SERAC1: variants seen among roughly 807,000 people sequenced by gnomAD.
SERAC1 encodes serine active site containing 1.
SERAC1 carries 36 observed loss-of-function variants against 85.7 expected under a neutral mutation model. The observed-to-expected ratio is 0.42, with a 90% CI of 0.32 to 0.55. The LOEUF is 0.55. SERAC1 is among the 20% of genes least tolerant of loss of function. The probability of loss-of-function intolerance (pLI) is 0.11; values close to 1 mark genes in which losing one functional copy is unlikely to be tolerated. For synonymous variants in SERAC1, 242 were observed against 265.3 expected, an observed-to-expected ratio of 0.91 and a Z score of 0.85; for missense variants, 629 against 796.2, an observed-to-expected ratio of 0.79 and a Z score of 2.53.
At chr6:158,141,499 A>C (rs1784914233) in intron 8 of SERAC1, among the ~76,000 whole-genome samples, 1 of 152,228 alleles carries the variant, frequency 6.6e-6, no homozygotes, top group Non-Finnish European at 1.5e-5. Flanking sequence ...TTTAAGAAAA[A>C]GGTAATTGTT....
chr6:158,141,865 G>A (rs1307518506), intron 8 of SERAC1, among the ~76,000 whole-genome samples: 1 of 152,110 alleles, frequency 6.6e-6, no homozygotes, highest in East Asian at 1.9e-4. Context: ...CCCAAAAGGG[G>A]AAATTATGTA....
At chr6:158,111,567 A>G in intron 16 of SERAC1, 65 bp from the exon 17 acceptor site, 1 of 1,310,868 alleles carries the variant, frequency 7.6e-7, no homozygotes, top group Admixed American at 2.5e-5. Context: ...GACAATACTG[A>G]AAGAGGCCGA....
Position 158,143,327 on chromosome 6 carries a change from CTCTCTCTCTCTCTCTCTCTCTATATATA to C in SERAC1, c.610-171_610-144del, listed in dbSNP as rs1307979859. 1.8e-3 allele frequency: 381 copies of C among 206,008 alleles called. 2 individuals are homozygous for C. The highest frequency in any genetic ancestry group is 0.01 in the African/African-American group (107 of 10,618). The allele number at this position is 206,008 out of a possible 1,614,324, so 12.8% of individuals were successfully genotyped here. ...CATGTCTCTCTCTCTCTCTCTCTCT[CTCTCTCTCTCTCTCTCTCTCTATATATA>C]TATATATATATATATATATACACAC... On this transcript the variant is annotated intron_variant, in intron 7 of 16. Coordinates refer to ENST00000647468, the MANE Select transcript of SERAC1 (RefSeq NM_032861.4).
intron 10 of SERAC1, among the ~76,000 whole-genome samples, chr6:158,127,372 G>T (rs1483799168): frequency 2.4e-4 from 14 of 57,866 alleles, no homozygotes; most frequent in African/African-American, 7.3e-4. Flanking sequence ...GGAGGGAGGT[G>T]GGGGGGTCAG....
At chr6:158,123,309 T>A (rs1385889663) in intron 10 of SERAC1, among the ~76,000 whole-genome samples, 1 of 152,152 alleles carries the variant, frequency 6.6e-6, no homozygotes, top group Non-Finnish European at 1.5e-5. Flanking sequence ...CAGAAAAAAG[T>A]ATACATTCCT....
rs1784099033 is a variant in SERAC1, at chr6:158,109,730, A to C, written c.*1636T>G. The C allele has an allele frequency of 6.6e-6, 1 of 152,264 alleles. No individual in the cohort carries two copies. The highest frequency in any genetic ancestry group is 6.5e-5 in the Admixed American group (1 of 15,292). 9.4% of individuals were successfully genotyped at this position (152,264 alleles called of 1,614,324 possible). A position where few individuals can be genotyped will look rare whatever the true frequency, so the allele number is the denominator to read the frequency against. On this transcript the variant is annotated 3_prime_UTR_variant, in exon 17 of 17. Transcript: ENST00000647468. Reference sequence around the variant, plus strand: ...ATCATGGTAGCATTATTTATCATAGACAAAAATGAACAGAACCTAGATGTC... The same window carrying C: ...ATCATGGTAGCATTATTTATCATAGCCAAAAATGAACAGAACCTAGATGTC...
At chr6:158,167,966 G>A (rs1222672725) in intron 1 of SERAC1, among the ~76,000 whole-genome samples, 174 bp downstream of exon 1, 1 of 152,018 alleles carries the variant, frequency 6.6e-6, no homozygotes, top group African/African-American at 2.4e-5. Flanking sequence ...GCGACCACCA[G>A]AGAGAGAGGC....
chr6:158,120,514 A>G lies in SERAC1; in HGVS notation c.1077T>C (p.Ala359=), dbSNP rs747153622. 4 of 1,614,096 alleles carry G rather than the reference A, an allele frequency of 2.5e-6. No individual in the cohort carries two copies. The highest frequency in any genetic ancestry group is 3.4e-6 in the Non-Finnish European group (4 of 1,179,990). The change falls in exon 11 of 17, where the codon GCT becomes GCC. Residue 359 remains alanine (A), a synonymous_variant. Coordinates refer to ENST00000647468, the MANE Select transcript of SERAC1 (RefSeq NM_032861.4). This position sits in a 1 kb window ranked among gnomAD's most constrained non-coding sequence, Gnocchi z 4.4. ...GGTCTAGATTTGCCAGGATTCTGGC[A>G]GCGTGTGAGGACTCCATAATGTGGG... The part of the protein sequence containing the change: ...KSPHIMESSH[A]ARILANLDRE...
chr6:158,156,859 A>AATATCAATATATTTATATAG (rs1562459718), intron 2 of SERAC1, among the ~76,000 whole-genome samples: 1 of 116,770 alleles, frequency 8.6e-6, no homozygotes. Flanking sequence ...ATATATAATA[A>AATATCAATATATTTATATAG]ATATTAATAT....
chr6:158,135,482 G>A (rs977205323), intron 8 of SERAC1, among the ~76,000 whole-genome samples: 6 of 152,014 alleles, frequency 3.9e-5, no homozygotes, highest in Non-Finnish European at 8.8e-5. Context: ...GCAATGAGCC[G>A]AGATCGCGCC....
intron 8 of SERAC1, among the ~76,000 whole-genome samples, chr6:158,135,818 C>CCT (rs1554263072): frequency 6.6e-6 from 1 of 151,140 alleles, no homozygotes; most frequent in African/African-American, 2.4e-5. Context: ...ATTGGTGAAT[C>CCT]TTTTTTTTTG....
intron 10 of SERAC1, among the ~76,000 whole-genome samples, chr6:158,123,326 G>T (rs1444443600): frequency 6.6e-6 from 1 of 152,196 alleles, no homozygotes; most frequent in Non-Finnish European, 1.5e-5. Context: ...TCCTGAGACT[G>T]TGAAAGGAGA....
chr6:158,159,870 C>T (rs145138308), intron 1 of SERAC1, among the ~76,000 whole-genome samples: 2,709 of 152,284 alleles, frequency 0.018, 76 homozygotes, highest in African/African-American at 0.062. Flanking sequence ...AAGTGATCCA[C>T]CCGCCTCGGC....
Position 158,144,383 on chromosome 6 carries a change from C to A in SERAC1, c.525G>T (p.Pro175=). 6.2e-7 allele frequency: 1 copy of A among 1,612,952 alleles called. No homozygotes were observed. Among genetic ancestry groups the A allele is most frequent in the East Asian group, 2.2e-5 (1 of 44,830 alleles). The change falls in exon 7 of 17, where the codon CCG becomes CCT. Residue 175 remains proline (P), a synonymous_variant. Coordinates refer to ENST00000647468, the MANE Select transcript of SERAC1 (RefSeq NM_032861.4). ...QYRIIAQACD[P]KTLIGLARSE... ...TTCGTGCCAAACCAATAAGAGTTTT[C>A]GGATCACAGGCTTGAGCAATTATCC...
Position 158,121,163 on chromosome 6 carries a change from A to G in SERAC1, c.1016-588T>C, listed in dbSNP as rs146873957. 5.3e-5 allele frequency among the ~76,000 whole-genome samples: 8 copies of G among 152,302 alleles called. No homozygotes were observed. The East Asian group carries it at 1.5e-3, about 29-fold the overall frequency. On this transcript the variant is annotated intron_variant, in intron 10 of 16. Transcript: ENST00000647468. ...TTAATGTTTTTGTTTTTAAAACTTT[A>G]TATACATAAATATAAAAGTACATGT...
intron 8 of SERAC1, among the ~76,000 whole-genome samples, chr6:158,135,329 C>T (rs1039832256): frequency 6.6e-6 from 1 of 152,068 alleles, no homozygotes; most frequent in Non-Finnish European, 1.5e-5. Flanking sequence ...GTCAGGAGTT[C>T]GAGACCAGCC....
intron 8 of SERAC1, among the ~76,000 whole-genome samples, chr6:158,141,445 A>G (rs1784912767): frequency 6.6e-6 from 1 of 152,264 alleles, no homozygotes; most frequent in Admixed American, 6.5e-5. Flanking sequence ...TGGATTAAAA[A>G]GAAAACTAGT....
In SERAC1 at chr6:158,120,465, G is replaced by C; in HGVS notation, c.1126C>G (p.Gln376Glu). ...GGATGCAGCACATATACGCCATCCT[G>C]ATATTTTTCTTGCACAGTTTCTCGG... ...LDRETVQEKY[Q>E]DGVYVLHPQY... Residue 376 changes from glutamine to glutamate, a missense_variant, in exon 11 of 17, where the codon CAG becomes GAG. Gln to Glu is a conservative substitution (Grantham distance 29). Transcript: ENST00000647468. This position sits in a 1 kb window ranked among gnomAD's most constrained non-coding sequence, Gnocchi z 4.4. 1 of 1,613,920 alleles carries C rather than the reference G, an allele frequency of 6.2e-7. No homozygotes were observed. The highest frequency in any genetic ancestry group is 8.5e-7 in the Non-Finnish European group (1 of 1,179,930).
chr6:158,150,296 C>G (rs1341649098), intron 4 of SERAC1, among the ~76,000 whole-genome samples, 157 bp downstream of exon 4: 1 of 152,140 alleles, frequency 6.6e-6, no homozygotes, highest in Non-Finnish European at 1.5e-5. Flanking sequence ...AACTTTGGTC[C>G]TCAATTAATT....
Sources: allele counts gnomAD v4.1 joint callset (sites outside exome capture counted in the v4.1 genomes callset), GRCh38; gene constraint gnomAD v4.1.1; non-coding constraint Gnocchi (gnomAD v3.1); transcripts MANE v1.5; gene names NCBI Gene and HGNC (gene_info 2026-07-23, HGNC 2026-07-21).